Variants in GPR139 observed in about 807,000 individuals in gnomAD.
GPR139 encodes the protein probable G protein-coupled receptor 139.
GPR139 carries 12 observed loss-of-function variants against 25.8 expected under a neutral mutation model. The observed-to-expected ratio is 0.47, with a 90% confidence interval of 0.30 to 0.75. GPR139 has a LOEUF of 0.75. GPR139 is among the 30% of genes least tolerant of loss of function. The pLI, the probability that GPR139 is intolerant of heterozygous loss-of-function variation, is 0.07. For synonymous variants in GPR139, 184 were observed against 179.9 expected (o/e 1.02, Z -0.18); for missense variants, 380 against 450.2 (o/e 0.84, Z 1.41).
chr16:20,061,889 G>A (rs973521415), intron 1 of GPR139, among the ~76,000 whole-genome samples: 3 of 152,188 alleles, frequency 2.0e-5, no homozygotes, highest in Non-Finnish European at 4.4e-5. Context: ...CAGAGATTTG[G>A]GGTCAAGGCC....
At chr16:20,065,594 A>T (rs1301120910) in intron 1 of GPR139, among the ~76,000 whole-genome samples, 5 of 152,196 alleles carry the variant, frequency 3.3e-5, no homozygotes, top group Non-Finnish European at 7.3e-5. Flanking sequence ...AAATGAGGCC[A>T]GGCGCATTGG....
At chr16:20,045,069 G>A (rs1202858866) in intron 1 of GPR139, among the ~76,000 whole-genome samples, 1 of 150,382 alleles carries the variant, frequency 6.6e-6, no homozygotes, top group African/African-American at 2.5e-5. Flanking sequence ...GTGCAATCGC[G>A]GCTCGCTGCA....
intron 1 of GPR139, among the ~76,000 whole-genome samples, chr16:20,056,068 G>A (rs151077543): frequency 6.6e-6 from 1 of 152,342 alleles, no homozygotes; most frequent in Non-Finnish European, 1.5e-5. Flanking sequence ...TACTATCCAT[G>A]TTTCAGCCAT....
chr16:20,059,748 A>G lies in GPR139; in HGVS notation c.127+13742T>C, dbSNP rs184736062. Among the ~76,000 whole-genome samples the G allele has an allele frequency of 6.3e-4, 96 of 152,340 alleles. 1 individual carries two copies. Among genetic ancestry groups the G allele is most frequent in the African/African-American group, 2.0e-3 (85 of 41,582 alleles). On this transcript the variant is annotated intron_variant, in intron 1 of 1. Coordinates refer to ENST00000570682, the MANE Select transcript of GPR139 (RefSeq NM_001002911.4). ...GGGCTCATGGATATGAGCTAAGTGA[A>G]CACAGTTGATCTTATCACCCTCATT...
At chr16:20,042,450 C>T (rs541460263) in intron 1 of GPR139, among the ~76,000 whole-genome samples, 1 of 152,302 alleles carries the variant, frequency 6.6e-6, no homozygotes, top group South Asian at 2.1e-4. Flanking sequence ...TCAGGAAATT[C>T]TTCATTGCCT....
At chr16:20,071,800 A>C (rs1044343602) in intron 1 of GPR139, among the ~76,000 whole-genome samples, 1 of 151,998 alleles carries the variant, frequency 6.6e-6, no homozygotes, top group South Asian at 2.1e-4. Context: ...TGAACTCTTG[A>C]AGGGTCAACC....
chr16:20,050,533 C>G (rs185600045), intron 1 of GPR139, among the ~76,000 whole-genome samples: 358 of 152,292 alleles, frequency 2.4e-3, no homozygotes, highest in African/African-American at 8.1e-3. Context: ...ATGCTAGACT[C>G]ACATTTCCAC....
At chr16:20,039,002 C>G (rs981836114) in intron 1 of GPR139, among the ~76,000 whole-genome samples, 4 of 152,156 alleles carry the variant, frequency 2.6e-5, no homozygotes, top group Non-Finnish European at 5.9e-5. Context: ...GGAAACCCAA[C>G]CAATCCCATC....
intron 1 of GPR139, among the ~76,000 whole-genome samples, chr16:20,061,554 G>A (rs1156601788): frequency 3.3e-5 from 5 of 152,190 alleles, no homozygotes; most frequent in African/African-American, 9.7e-5. Context: ...TTTGCCATGG[G>A]GCAAAATGAA....
intron 1 of GPR139, among the ~76,000 whole-genome samples, chr16:20,054,586 T>A (rs1208989119): frequency 3.9e-5 from 6 of 152,194 alleles, no homozygotes; most frequent in Non-Finnish European, 7.3e-5. Context: ...CGTTCTTTTT[T>A]TTTTAACTTT....
chr16:20,032,035 C>T lies in GPR139; in HGVS notation c.762G>A (p.Gly254=). 1.9e-6 allele frequency: 3 copies of T among 1,614,088 alleles called. No homozygotes were observed. Among genetic ancestry groups the T allele is most frequent in the Non-Finnish European group, 2.5e-6 (3 of 1,180,026 alleles). Residue 254 remains glycine, a synonymous_variant, in exon 2 of 2, where the codon GGG becomes GGA. Transcript: ENST00000570682. ...CCAGCCAGCGGTTCTGGATGGGCGCCCCATAGAGGTGGTAAAGAATCATGA... is the reference window on the plus strand; with the variant it reads ...CCAGCCAGCGGTTCTGGATGGGCGCTCCATAGAGGTGGTAAAGAATCATGA... The part of the protein sequence containing the change: ...RIIMILYHLY[G]APIQNRWLVH...
rs2141198483 is a variant in GPR139, at chr16:20,030,722, C to T, written c.*1013G>A. Reference sequence around the variant, plus strand: ...TGAGACAGAGCTGAGAACACCTCCTCTCATACCCGCAGAGCTGCAGTTCCT... The same window carrying T: ...TGAGACAGAGCTGAGAACACCTCCTTTCATACCCGCAGAGCTGCAGTTCCT... On this transcript the variant is annotated 3_prime_UTR_variant, in exon 2 of 2. Coordinates refer to ENST00000570682, the MANE Select transcript of GPR139 (RefSeq NM_001002911.4). Among the ~76,000 whole-genome samples, 1 of 152,346 alleles carries T rather than the reference C, an allele frequency of 6.6e-6. No homozygotes were observed. Among genetic ancestry groups the T allele is most frequent in the Admixed American group, 6.5e-5 (1 of 15,308 alleles).
rs972503740 is a variant in GPR139 at position 20,028,286 on chromosome 16, C to G, written c.*3449G>C. On this transcript the variant is annotated 3_prime_UTR_variant, in exon 2 of 2. Coordinates refer to ENST00000570682, the MANE Select transcript of GPR139 (RefSeq NM_001002911.4). ...ATTATTCCACATTGTATACATATAT[C>G]AAAACATCACATTGTATCCCATAAA... 6.6e-6 allele frequency among the ~76,000 whole-genome samples: 1 copy of G among 152,030 alleles called. No individual in the cohort carries two copies. The highest frequency in any genetic ancestry group is 1.5e-5 in the Non-Finnish European group (1 of 68,014).
chr16:20,047,716 G>GTCAGGGGC (rs148398537), intron 1 of GPR139, among the ~76,000 whole-genome samples: 12,399 of 152,220 alleles, frequency 0.081, 584 homozygotes, highest in Non-Finnish European at 0.11. Flanking sequence ...TAGAAGGCAT[G>GTCAGGGGC]TCCTAGCGTC....
At chr16:20,065,544 A>G (rs922549702) in intron 1 of GPR139, among the ~76,000 whole-genome samples, 1 of 152,216 alleles carries the variant, frequency 6.6e-6, no homozygotes, top group Non-Finnish European at 1.5e-5. Flanking sequence ...AAAAATGGGT[A>G]TAATACATGC....
chr16:20,032,728 A>G (rs2057295599), intron 1 of GPR139, 59 bp from the exon 2 acceptor site: 4 of 1,298,186 alleles, frequency 3.1e-6, no homozygotes, highest in East Asian at 2.3e-5. Context: ...GTTGGCTCCT[A>G]TGGGGGCCCT....
In GPR139 at chr16:20,029,090, T is replaced by A. The variant is rs2057277807; in HGVS notation, c.*2645A>T. 6.6e-6 allele frequency among the ~76,000 whole-genome samples: 1 copy of A among 152,212 alleles called. No homozygotes were observed. Among genetic ancestry groups the A allele is most frequent in the Non-Finnish European group, 1.5e-5 (1 of 68,048 alleles). On this transcript the variant is annotated 3_prime_UTR_variant, in exon 2 of 2. Transcript: ENST00000570682. ...TGAATCAACCTAACCCAATGGGCAT[T>A]CATTTGCATTTTAAGCAGAAGACAG...
intron 1 of GPR139, among the ~76,000 whole-genome samples, chr16:20,061,227 G>GTGGATGGA (rs57097613): frequency 1.7e-4 from 13 of 77,756 alleles, no homozygotes; most frequent in East Asian, 1.5e-3. Context: ...GGATGGATGT[G>GTGGATGGA]TGGATGGATG....
rs1310892252 is a variant in GPR139 at position 20,061,065 on chromosome 16, G to C, written c.127+12425C>G. 9.4e-5 allele frequency among the ~76,000 whole-genome samples: 7 copies of C among 74,748 alleles called. No homozygotes were observed. The East Asian group carries it at 1.6e-3, about 17-fold the overall frequency. The allele number at this position is 74,748 out of a possible 152,430, so 49.0% of individuals were successfully genotyped here. A position where few individuals can be genotyped will look rare whatever the true frequency, so the allele number is the denominator to read the frequency against. ...CTGATCATGCTAGTCTTTCCTCTGT[G>C]TGTGTGTGTGTGTGTGTGTTGTGTG... On this transcript the variant is annotated intron_variant, in intron 1 of 1. Transcript: ENST00000570682.
Sources: gnomAD v4.1 joint callset for allele counts (sites outside exome capture counted in the v4.1 genomes callset) on GRCh38, gnomAD v4.1.1 for gene constraint, MANE v1.5 for transcripts, NCBI Gene and HGNC (gene_info 2026-07-23, HGNC 2026-07-21) for gene names.